The following BSPRY variants were observed in gnomAD, a reference collection of about 807,000 sequenced individuals.
BSPRY encodes B box and SPRY domain-containing protein.
A neutral mutation model predicts 38.0 loss-of-function variants in BSPRY; 33 were observed. The ratio of observed to expected loss-of-function variants is 0.87; its 90% CI spans 0.66 to 1.16. The LOEUF is 1.16. BSPRY is among the 50% of genes most tolerant of loss of function. BSPRY has a pLI of 0.00. For missense variants in BSPRY, 523 were observed against 533.2 expected (o/e 0.98, Z 0.19); for synonymous variants, 224 against 228.5 (o/e 0.98, Z 0.18).
At position 113,349,752 on chromosome 9, in the gene BSPRY, G is replaced by A; in HGVS notation, c.173G>A (p.Arg58Gln). ...GGRCRGHRIR[R>Q]AEERAEELRN... is the part of the protein sequence containing the mutation. ...CGCTGCCGGGGGCACCGCATCCGCC[G>A]GGCGGAGGAGCGCGCCGAGGAGCTG... Residue 58 changes from arginine (R) to glutamine (Q), a missense_variant, in exon 1 of 6, where the codon CGG becomes CAG. By Grantham distance (43) the Arg-to-Gln change is conservative. Coordinates refer to ENST00000374183, the MANE Select transcript of BSPRY (RefSeq NM_017688.3). The A allele has an allele frequency of 4.0e-6, 5 of 1,235,388 alleles. No individual in the cohort carries two copies. Among genetic ancestry groups the A allele is most frequent in the Non-Finnish European group, 5.0e-6 (5 of 990,372 alleles). 76.5% of individuals were successfully genotyped at this position (1,235,388 alleles called of 1,614,324 possible). A position where few individuals can be genotyped will look rare whatever the true frequency, so the allele number is the denominator to read the frequency against.
At position 113,350,967 on chromosome 9, in the gene BSPRY, G is replaced by A. The variant is rs540504149; in HGVS notation, c.201+1187G>A. On this transcript the variant is annotated intron_variant, in intron 1 of 5. Transcript: ENST00000374183. ...ACATTTTACAGATGAGGCACTGGAG[G>A]CTCGGAACAAGGCAGTAACTCCTCC... 9.0e-4 allele frequency among the ~76,000 whole-genome samples: 137 copies of A among 152,316 alleles called. 1 individual carries two copies. Among genetic ancestry groups the A allele is most frequent in the African/African-American group, 3.2e-3 (134 of 41,570 alleles).
At chr9:113,353,871 G>C (rs1037712068) in intron 1 of BSPRY, among the ~76,000 whole-genome samples, 5 of 152,122 alleles carry the variant, frequency 3.3e-5, no homozygotes, top group African/African-American at 9.7e-5. Context: ...AATATTCATA[G>C]AGCAAAAATT....
chr9:113,354,481 A>G (rs1834024701), intron 2 of BSPRY, 143 bp downstream of exon 2: 3 of 659,828 alleles, frequency 4.5e-6, no homozygotes, highest in Admixed American at 5.3e-5. Context: ...CAGAGACTCA[A>G]TTTTACCATC....
chr9:113,362,870 T>A (rs1834176994), intron 4 of BSPRY, among the ~76,000 whole-genome samples: 1 of 152,202 alleles, frequency 6.6e-6, no homozygotes, highest in Non-Finnish European at 1.5e-5. Context: ...TTTTAGCTCT[T>A]CAGTAATAAA....
rs1338509376 is a variant in BSPRY, at chr9:113,368,440, T to C, written c.682+57T>C. Reference sequence around the variant, plus strand: ...ACAACTGGGCTTCTGTCTGTCTGTCTGGGGTTCACTCCTGGTTCACAATGG... The same window carrying C: ...ACAACTGGGCTTCTGTCTGTCTGTCCGGGGTTCACTCCTGGTTCACAATGG... On this transcript the variant is annotated intron_variant, in intron 5 of 5. Coordinates refer to ENST00000374183, the MANE Select transcript of BSPRY (RefSeq NM_017688.3). The C allele has an allele frequency of 3.2e-6, 5 of 1,585,592 alleles. No individual in the cohort carries two copies. In the African/African-American group the frequency reaches 6.8e-5, roughly 22 times the overall value.
At chr9:113,367,216 C>A (rs1834266536) in intron 4 of BSPRY, among the ~76,000 whole-genome samples, 1 of 152,176 alleles carries the variant, frequency 6.6e-6, no homozygotes, top group African/African-American at 2.4e-5. Flanking sequence ...ATAACCACTA[C>A]CTCCCAGGTT....
chr9:113,350,959 C>T (rs1336721577), intron 1 of BSPRY, among the ~76,000 whole-genome samples: 1 of 152,206 alleles, frequency 6.6e-6, no homozygotes, highest in Admixed American at 6.5e-5. Context: ...ACAGATGAGG[C>T]ACTGGAGGCT....
intron 4 of BSPRY, among the ~76,000 whole-genome samples, chr9:113,363,808 G>A (rs181038937): frequency 9.7e-4 from 142 of 146,960 alleles, no homozygotes; most frequent in African/African-American, 3.5e-3. Context: ...AACCCAGGAG[G>A]CGGAGGTTGC....
chr9:113,357,886 C>CTATATA (rs59328879), intron 2 of BSPRY, among the ~76,000 whole-genome samples: 1 of 96,826 alleles, frequency 1.0e-5, no homozygotes, highest in Non-Finnish European at 2.0e-5. Flanking sequence ...CTGTAGAGTT[C>CTATATA]TATATATATA....
chr9:113,357,128 A>C (rs898717380), intron 2 of BSPRY, among the ~76,000 whole-genome samples: 3 of 152,226 alleles, frequency 2.0e-5, no homozygotes, highest in Non-Finnish European at 4.4e-5. Context: ...GAGAAGACAG[A>C]AGGAACCAGC....
chr9:113,353,102 C>T (rs1214885388), intron 1 of BSPRY, among the ~76,000 whole-genome samples: 8 of 152,178 alleles, frequency 5.3e-5, no homozygotes, highest in Admixed American at 2.6e-4. Context: ...GTGGTTATAA[C>T]GGGCTGAGCG....
intron 1 of BSPRY, 87 bp downstream of exon 1, chr9:113,349,867 G>T (rs1588058661): frequency 1.7e-6 from 2 of 1,193,290 alleles, no homozygotes; most frequent in Admixed American, 4.5e-5. Context: ...GGAGCCTGGG[G>T]CTGGGCGGAC....
At chr9:113,350,230 T>C (rs1564330276) in intron 1 of BSPRY, among the ~76,000 whole-genome samples, 1 of 152,082 alleles carries the variant, frequency 6.6e-6, no homozygotes, top group Non-Finnish European at 1.5e-5. Flanking sequence ...CCCGCCCCTG[T>C]GGAAACTGAC....
rs188393511 is a variant in BSPRY at position 113,362,410 on chromosome 9, G to T, written c.557+16G>T. The T allele has an allele frequency of 6.2e-7, 1 of 1,613,680 alleles. No individual in the cohort carries two copies. The highest frequency in any genetic ancestry group is 1.7e-5 in the Admixed American group (1 of 59,994). Reference sequence around the variant, plus strand: ...TTTTCGAGAGGTGAGTATAGACCCCGTGATTTGACTGGGTAGTCTTGGAGA... The same window carrying T: ...TTTTCGAGAGGTGAGTATAGACCCCTTGATTTGACTGGGTAGTCTTGGAGA... On this transcript the variant is annotated intron_variant, in intron 4 of 5. Coordinates refer to ENST00000374183, the MANE Select transcript of BSPRY (RefSeq NM_017688.3).
chr9:113,359,882 TTA>T (rs764658750), intron 2 of BSPRY, among the ~76,000 whole-genome samples: 24,900 of 137,192 alleles, frequency 0.18, 2,282 homozygotes, highest in Admixed American at 0.26. Context: ...TAAAAAAAAT[TTA>T]AAAAAAAAAA....
Position 113,349,677 on chromosome 9 carries a change from G to T in BSPRY, c.98G>T (p.Cys33Phe). The T allele has an allele frequency of 8.1e-7, 1 of 1,239,926 alleles. No individual in the cohort carries two copies. Among genetic ancestry groups the T allele is most frequent in the Non-Finnish European group, 1.0e-6 (1 of 991,358 alleles). 76.8% of individuals were successfully genotyped at this position (1,239,926 alleles called of 1,614,324 possible). ...PEHGQALSWF[C>F]GSERRPVCAA... ...CACGGCCAGGCTCTGAGCTGGTTCT[G>T]CGGCTCCGAGCGACGGCCCGTGTGC... is the stretch of plus-strand genomic sequence containing the variant. The change falls in exon 1 of 6, where the codon TGC becomes TTC. Residue 33 changes from cysteine (C) to phenylalanine (F), a missense_variant. By Grantham distance (205) the Cys-to-Phe change is radical. Transcript: ENST00000374183.
rs1247227970 is a variant in BSPRY at position 113,368,250 on chromosome 9, C to G, written c.558-9C>G. 2 of 1,613,498 alleles carry G rather than the reference C, an allele frequency of 1.2e-6. No individual in the cohort carries two copies. The highest frequency in any genetic ancestry group is 1.7e-6 in the Non-Finnish European group (2 of 1,179,696). On this transcript the variant is annotated splice_polypyrimidine_tract_variant and intron_variant, in intron 4 of 5. Coordinates refer to ENST00000374183, the MANE Select transcript of BSPRY (RefSeq NM_017688.3). The stretch of plus-strand genomic sequence containing the variant: ...CCTGAATCTCTGTCTCTGTTTTTCC[C>G]CATATAAGGACCGAAGAAGCAGAGG...
intron 4 of BSPRY, among the ~76,000 whole-genome samples, chr9:113,363,852 G>A (rs1435782746): frequency 2.3e-5 from 3 of 128,508 alleles, no homozygotes; most frequent in Non-Finnish European, 4.7e-5. Context: ...ACTCCAGCCT[G>A]GGTGACAGAG....
intron 2 of BSPRY, among the ~76,000 whole-genome samples, chr9:113,355,617 CTTTT>C (rs34714277): frequency 7.0e-6 from 1 of 141,908 alleles, no homozygotes; most frequent in Non-Finnish European, 1.5e-5. Flanking sequence ...CAAATCCTGG[CTTTT>C]TTTTTTTTTT....
Sources: gnomAD v4.1 joint callset for allele counts (sites outside exome capture counted in the v4.1 genomes callset) on GRCh38, gnomAD v4.1.1 for gene constraint, MANE v1.5 for transcripts, NCBI Gene and HGNC (gene_info 2026-07-23, HGNC 2026-07-21) for gene names.